The following CWH43 variants were observed in gnomAD, a reference collection of about 807,000 sequenced individuals.
CWH43 encodes the protein cell wall biogenesis 43 C-terminal homolog, also known as PGAP2-interacting protein.
A neutral mutation model predicts 85.7 loss-of-function variants in CWH43; 91 were observed. The observed-to-expected ratio is 1.06, with a 90% confidence interval of 0.90 to 1.26. CWH43 has a LOEUF of 1.26. Among genes scored for constraint, CWH43 ranks in the 50% most tolerant of loss-of-function variants. The pLI is 0.00. For missense variants in CWH43, 869 were observed against 839.2 expected (o/e 1.04, Z -0.44); for synonymous variants, 323 against 293.6 (o/e 1.10, Z -1.02).
intron 13 of CWH43, among the ~76,000 whole-genome samples, chr4:49,041,603 A>T (rs1784464770): frequency 6.6e-6 from 1 of 152,176 alleles, no homozygotes; most frequent in Non-Finnish European, 1.5e-5. Context: ...TTGTATCCTG[A>T]GACTTTGCTG....
chr4:49,047,499 G>A (rs1436342105), intron 14 of CWH43, among the ~76,000 whole-genome samples: 1 of 152,140 alleles, frequency 6.6e-6, no homozygotes, highest in Non-Finnish European at 1.5e-5. Flanking sequence ...TTGTAAGTAG[G>A]GAGCTGGGTA....
chr4:48,987,422 C>G (rs1166970796), intron 1 of CWH43, among the ~76,000 whole-genome samples: 1 of 152,146 alleles, frequency 6.6e-6, no homozygotes, highest in African/African-American at 2.4e-5. Flanking sequence ...AAAGTTCCCA[C>G]GCCCAGTGGT....
chr4:49,041,938 G>A (rs188801295), intron 13 of CWH43, among the ~76,000 whole-genome samples: 1 of 152,206 alleles, frequency 6.6e-6, no homozygotes, highest in African/African-American at 2.4e-5. Flanking sequence ...GAGGTGCAAT[G>A]TTTAGTCCTG....
intron 9 of CWH43, among the ~76,000 whole-genome samples, chr4:49,026,144 A>G (rs1783909538): frequency 6.6e-6 from 1 of 152,180 alleles, no homozygotes; most frequent in Non-Finnish European, 1.5e-5. Flanking sequence ...GCCGGCAGCC[A>G]CAGGCCTCAC....
chr4:49,017,602 T>C (rs1325998919), intron 9 of CWH43, among the ~76,000 whole-genome samples: 1 of 152,200 alleles, frequency 6.6e-6, no homozygotes, highest in Non-Finnish European at 1.5e-5. Context: ...ATATCTGAAC[T>C]ATGTGTATTA....
rs535710076 is a variant in CWH43 at position 49,036,303 on chromosome 4, A to G, written c.1659-1733A>G. ...CAGCCTCTCAGGGCATAGAGAAAGG[A>G]CAGAGGATGAATGTGGGCTGGGGAA... On this transcript the variant is annotated intron_variant, in intron 12 of 15. Transcript: ENST00000226432. Among the ~76,000 whole-genome samples, 25 of 152,338 alleles carry G rather than the reference A, an allele frequency of 1.6e-4. No homozygotes were observed. The South Asian group carries it at 5.2e-3, about 32-fold the overall frequency.
At chr4:49,055,731 A>G (rs1182233326) in intron 15 of CWH43, among the ~76,000 whole-genome samples, 1 of 151,866 alleles carries the variant, frequency 6.6e-6, no homozygotes, top group Non-Finnish European at 1.5e-5. Flanking sequence ...CTGCGATTAT[A>G]GGCGCCTACC....
chr4:48,997,869 G>T (rs1298913570), intron 5 of CWH43, among the ~76,000 whole-genome samples: 1 of 152,182 alleles, frequency 6.6e-6, no homozygotes, highest in Non-Finnish European at 1.5e-5. Flanking sequence ...TTATGTGACA[G>T]CTACTTAAAT....
chr4:49,055,591 AT>A (rs34048083), intron 15 of CWH43, among the ~76,000 whole-genome samples: 85,564 of 141,948 alleles, frequency 0.6, 27,351 homozygotes, highest in Middle Eastern at 0.76. Context: ...TTTTTCTTTC[AT>A]TTTTTTTTTT....
chr4:49,039,623 T>G (rs1263138558), intron 13 of CWH43, among the ~76,000 whole-genome samples: 4 of 151,412 alleles, frequency 2.6e-5, no homozygotes, highest in African/African-American at 4.9e-5. Context: ...TTAACTCTTC[T>G]TAGGGTGTAA....
chr4:49,032,926 G>T (rs1784146233), intron 12 of CWH43, among the ~76,000 whole-genome samples: 1 of 152,178 alleles, frequency 6.6e-6, no homozygotes, highest in South Asian at 2.1e-4. Context: ...GTGTTAGTCT[G>T]CATTTACTGA....
chr4:48,993,870 T>G (rs1230604767), intron 4 of CWH43, among the ~76,000 whole-genome samples: 1 of 151,972 alleles, frequency 6.6e-6, no homozygotes, highest in Non-Finnish European at 1.5e-5. Context: ...TTCTCCTGAC[T>G]CAGCCTCCCG....
At chr4:49,021,565 T>C (rs903028907) in intron 9 of CWH43, among the ~76,000 whole-genome samples, 1 of 152,072 alleles carries the variant, frequency 6.6e-6, no homozygotes, top group African/African-American at 2.4e-5. Flanking sequence ...AATTTTAGGA[T>C]TTTTTTCCAG....
At chr4:49,037,823 G>T (rs896219439) in intron 12 of CWH43, among the ~76,000 whole-genome samples, 6 of 152,142 alleles carry the variant, frequency 3.9e-5, no homozygotes, top group Non-Finnish European at 8.8e-5. Context: ...GTGAAGAAAG[G>T]TCATGTTCTT....
chr4:49,018,760 G>A (rs1783640166), intron 9 of CWH43, among the ~76,000 whole-genome samples: 1 of 152,160 alleles, frequency 6.6e-6, no homozygotes. Flanking sequence ...ATCTGTACTA[G>A]CGGGAACATT....
intron 14 of CWH43, among the ~76,000 whole-genome samples, chr4:49,048,169 G>T (rs1325406766): frequency 6.6e-6 from 1 of 152,066 alleles, no homozygotes. Flanking sequence ...TTTAAAAAAT[G>T]TTGGGAACCA....
At position 49,038,163 on chromosome 4, in the gene CWH43, G is replaced by A; in HGVS notation, c.1786G>A (p.Glu596Lys). The stretch of plus-strand genomic sequence containing the variant: ...CTCCAGAGATTATCTACAGCTCACT[G>A]AACATGGCAATGTGAAGGTAACATA... ...PGSRDYLQLT[E>K]HGNVKDIDST... is the part of the protein sequence containing the mutation. The change falls in exon 13 of 16, where the codon GAA (glutamate) becomes AAA (lysine). Residue 596 changes from glutamate (E) to lysine (K), a missense_variant. Physicochemically the swap from Glu to Lys is moderately conservative, Grantham distance 56. Coordinates refer to ENST00000226432, the MANE Select transcript of CWH43 (RefSeq NM_025087.3). 4 of 1,584,036 alleles carry A rather than the reference G, an allele frequency of 2.5e-6. No homozygotes were observed. Among genetic ancestry groups the A allele is most frequent in the South Asian group, 1.2e-5 (1 of 84,982 alleles).
chr4:49,000,511 T>A (rs1291567956), intron 6 of CWH43, among the ~76,000 whole-genome samples: 4 of 152,246 alleles, frequency 2.6e-5, no homozygotes, highest in African/African-American at 9.6e-5. Context: ...GGAAAGTTTG[T>A]CAGTGCTGAG....
intron 9 of CWH43, among the ~76,000 whole-genome samples, chr4:49,018,608 A>G (rs1783637063): frequency 6.6e-6 from 1 of 152,154 alleles, no homozygotes; most frequent in Non-Finnish European, 1.5e-5. Context: ...CTTTTAGAAC[A>G]GTGGGCAGAA....
Sources: allele counts gnomAD v4.1 joint callset (sites outside exome capture counted in the v4.1 genomes callset), GRCh38; gene constraint gnomAD v4.1.1; transcripts MANE v1.5; gene names NCBI Gene and HGNC (gene_info 2026-07-23, HGNC 2026-07-21).